The following DEF6 variants were observed in gnomAD, a reference collection of about 807,000 sequenced individuals.
DEF6 encodes DEF6 guanine nucleotide exchange factor.
In DEF6, 32 loss-of-function variants were observed where a neutral mutation model predicts 80.5. The observed-to-expected ratio is 0.40, with a 90% confidence interval of 0.30 to 0.53. The LOEUF (loss-of-function observed/expected upper bound fraction) is 0.53. Among genes scored for constraint, DEF6 ranks in the 20% least tolerant of loss-of-function variants. The pLI is 0.57. For synonymous variants in DEF6, 300 were observed against 337.9 expected, an observed-to-expected ratio of 0.89 and a Z score of 1.23; for missense variants, 575 against 818.7, an observed-to-expected ratio of 0.70 and a Z score of 3.63.
In DEF6 at chr6:35,310,458, G is replaced by T; in HGVS notation, c.238-1G>T. ...CAGCTGATTTGCAGCCCTGGTGGCA[G>T]GTGGAGGAGGGGGCTTTTGTTAAAG... is the stretch of plus-strand genomic sequence containing the variant. On this transcript the variant is annotated splice_acceptor_variant, in intron 2 of 10. Coordinates refer to ENST00000316637, the MANE Select transcript of DEF6 (RefSeq NM_022047.4). LOFTEE classifies it high-confidence loss of function. 1 of 1,613,258 alleles carries T rather than the reference G, an allele frequency of 6.2e-7. No individual in the cohort carries two copies.
intron 1 of DEF6, among the ~76,000 whole-genome samples, chr6:35,301,704 G>T (rs1190086037): frequency 6.8e-6 from 1 of 147,134 alleles, no homozygotes; most frequent in Non-Finnish European, 1.5e-5. Context: ...AATACATTTG[G>T]TAACTCTTAA....
At chr6:35,311,020 G>A (rs773572900) in intron 3 of DEF6, among the ~76,000 whole-genome samples, 4 of 152,152 alleles carry the variant, frequency 2.6e-5, no homozygotes, top group Non-Finnish European at 4.4e-5. Flanking sequence ...AGGACAGGAA[G>A]GATGCTTTAC....
At chr6:35,317,686 T>C (rs1003263713) in intron 5 of DEF6, 1 of 536,698 alleles carries the variant, frequency 1.9e-6, no homozygotes, top group African/African-American at 1.9e-5. Context: ...CGCACCCACC[T>C]AGCCTTCAAA....
At chr6:35,317,845 T>C in intron 5 of DEF6, 46 bp from the exon 6 acceptor site, 1 of 1,568,016 alleles carries the variant, frequency 6.4e-7, no homozygotes, top group Middle Eastern at 1.7e-4. Context: ...GGTGGGGCCC[T>C]GACCCAGTGA....
At chr6:35,308,201 G>T (rs149896085) in intron 1 of DEF6, among the ~76,000 whole-genome samples, 1 of 152,086 alleles carries the variant, frequency 6.6e-6, no homozygotes, top group Admixed American at 6.6e-5. Context: ...TAATATTTGC[G>T]TATATAGGTG....
intron 1 of DEF6, among the ~76,000 whole-genome samples, chr6:35,308,983 T>C (rs1791428490): frequency 6.6e-6 from 1 of 152,346 alleles, no homozygotes; most frequent in Admixed American, 6.5e-5. Context: ...CACACCATTA[T>C]GACCACTATC....
chr6:35,321,009 G>A (rs753534758), intron 10 of DEF6, 35 bp downstream of exon 10: 2 of 1,608,346 alleles, frequency 1.2e-6, no homozygotes, highest in South Asian at 2.2e-5. Context: ...TTTCCCTGGA[G>A]CTGGGAGGGA....
intron 1 of DEF6, among the ~76,000 whole-genome samples, chr6:35,307,412 G>C (rs1297253164): frequency 6.6e-6 from 1 of 152,218 alleles, no homozygotes; most frequent in Admixed American, 6.5e-5. Context: ...AAAAGATAAG[G>C]ACACGGGTAG....
rs1205952965 is a variant in DEF6, at chr6:35,318,487, G to A, written c.1215+16G>A. On this transcript the variant is annotated intron_variant, in intron 7 of 10. Transcript: ENST00000316637. This position sits in a 1 kb window ranked among gnomAD's most constrained non-coding sequence, Gnocchi z 5.1. ...GGCGGAGCAGGTGGGGTTAGCTCCC[G>A]GCGCCGGGGACGGGACCGGTGGGCT... The A allele has an allele frequency of 7.2e-7, 1 of 1,383,434 alleles. No homozygotes were observed. Among genetic ancestry groups the A allele is most frequent in the Middle Eastern group, 2.6e-4 (1 of 3,776 alleles). The allele number at this position is 1,383,434 out of a possible 1,614,324, so 85.7% of individuals were successfully genotyped here.
Position 35,318,600 on chromosome 6 carries a change from C to A in DEF6, c.1215+129C>A. On this transcript the variant is annotated intron_variant, in intron 7 of 10. Coordinates refer to ENST00000316637, the MANE Select transcript of DEF6 (RefSeq NM_022047.4). The surrounding 1 kb of genome is among the most constrained non-coding windows in gnomAD (Gnocchi z 5.1). The stretch of plus-strand genomic sequence containing the variant: ...TTGAGGGGCGTGCACTGGGGTGGAG[C>A]TTGAAATGAGGGATTGTTGGGACAG... 1 of 893,818 alleles carries A rather than the reference C, an allele frequency of 1.1e-6. No individual in the cohort carries two copies. Among genetic ancestry groups the A allele is most frequent in the Non-Finnish European group, 1.5e-6 (1 of 662,060 alleles). 55.4% of individuals were successfully genotyped at this position (893,818 alleles called of 1,614,324 possible). A position where few individuals can be genotyped will look rare whatever the true frequency, so the allele number is the denominator to read the frequency against.
At chr6:35,313,983 G>A (rs1791496472) in intron 5 of DEF6, among the ~76,000 whole-genome samples, 1 of 152,168 alleles carries the variant, frequency 6.6e-6, no homozygotes, top group African/African-American at 2.4e-5. Context: ...TAGATCATAT[G>A]ATAGTTCTAT....
intron 9 of DEF6, 115 bp downstream of exon 9, chr6:35,320,132 G>A: frequency 9.6e-7 from 1 of 1,046,662 alleles, no homozygotes; most frequent in Non-Finnish European, 1.4e-6. Context: ...CTGGCTGTGT[G>A]ACTTTGGACA....
chr6:35,309,799 A>G lies in DEF6; in HGVS notation c.226A>G (p.Ile76Val). Residue 76 changes from isoleucine (I) to valine (V), a missense_variant, in exon 2 of 11, where the codon ATC becomes GTC. By Grantham distance (29) the Ile-to-Val change is conservative (BLOSUM62 3). Coordinates refer to ENST00000316637, the MANE Select transcript of DEF6 (RefSeq NM_022047.4). Reference protein sequence around the residue: ...QGYMPYLNKYILDKVEEGAFV... With the variant: ...QGYMPYLNKYVLDKVEEGAFV... ...ATACATGCCCTACCTCAACAAGTAC[A>G]TCCTGGACAAGGTGGGGCCCAGCTT... 6.2e-7 allele frequency: 1 copy of G among 1,613,944 alleles called. No individual in the cohort carries two copies. The highest frequency in any genetic ancestry group is 8.5e-7 in the Non-Finnish European group (1 of 1,179,948).
rs1488309377 is a variant in DEF6, at chr6:35,297,831, C to A, written c.-26C>A. On this transcript the variant is annotated 5_prime_UTR_variant, in exon 1 of 11. Transcript: ENST00000316637. ...AAACCGGATCTTAGTGTCAGAGCCG[C>A]CCCCAGCCGGGCGGGCGCCTCAGCC... The A allele has an allele frequency of 1.3e-6, 2 of 1,567,166 alleles. No homozygotes were observed. The highest frequency in any genetic ancestry group is 1.7e-6 in the Non-Finnish European group (2 of 1,155,728).
Position 35,318,078 on chromosome 6 carries a change from C to T in DEF6, c.916+79C>T. On this transcript the variant is annotated intron_variant, in intron 6 of 10. Coordinates refer to ENST00000316637, the MANE Select transcript of DEF6 (RefSeq NM_022047.4). This position sits in a 1 kb window ranked among gnomAD's most constrained non-coding sequence, Gnocchi z 5.1. ...TGAAAAGGGGGTGATAATACTTTGTCCAGCGGGAGGTTGGAGAGTGGACTC... is the reference window on the plus strand; with the variant it reads ...TGAAAAGGGGGTGATAATACTTTGTTCAGCGGGAGGTTGGAGAGTGGACTC... The T allele has an allele frequency of 1.3e-6, 2 of 1,548,286 alleles. No individual in the cohort carries two copies. Among genetic ancestry groups the T allele is most frequent in the Middle Eastern group, 1.7e-4 (1 of 5,790 alleles).
intron 1 of DEF6, among the ~76,000 whole-genome samples, chr6:35,303,605 T>G (rs1361818629): frequency 1.3e-5 from 2 of 152,124 alleles, no homozygotes; most frequent in Non-Finnish European, 2.9e-5. Flanking sequence ...CTAAATGAAA[T>G]GTACAATATG....
intron 9 of DEF6, among the ~76,000 whole-genome samples, chr6:35,320,385 C>A (rs1791576291): frequency 6.6e-6 from 1 of 152,106 alleles, no homozygotes; most frequent in Non-Finnish European, 1.5e-5. Flanking sequence ...TCCATAAATT[C>A]AAACACAGAA....
In DEF6 at chr6:35,312,183, A is replaced by C. The variant is rs998317034; in HGVS notation, c.424-119A>C. 1.2e-6 allele frequency: 1 copy of C among 817,792 alleles called. No individual in the cohort carries two copies. The highest frequency in any genetic ancestry group is 1.7e-5 in the African/African-American group (1 of 58,078). The allele number at this position is 817,792 out of a possible 1,614,324, so 50.7% of individuals were successfully genotyped here. ...TAACATTCGGTCCTCTGGCCCCCTC[A>C]ACGCTCTGTCCCCTGTTTCCCTCTG... On this transcript the variant is annotated intron_variant, in intron 3 of 10. Transcript: ENST00000316637. This position sits in a 1 kb window ranked among gnomAD's most constrained non-coding sequence, Gnocchi z 6.6.
At chr6:35,306,739 AC>A (rs1426224857) in intron 1 of DEF6, among the ~76,000 whole-genome samples, 2 of 152,218 alleles carry the variant, frequency 1.3e-5, no homozygotes, top group East Asian at 3.9e-4. Flanking sequence ...TGCTTTTTTT[AC>A]ATGCCAGTGT....
Sources: gnomAD v4.1 joint callset for allele counts (sites outside exome capture counted in the v4.1 genomes callset) on GRCh38, gnomAD v4.1.1 for gene constraint, Gnocchi (gnomAD v3.1) non-coding constraint, MANE v1.5 for transcripts, NCBI Gene and HGNC (gene_info 2026-07-23, HGNC 2026-07-21) for gene names.